ST8SIA4: variants seen among roughly 807,000 people sequenced by gnomAD.
The protein encoded by ST8SIA4 is CMP-N-acetylneuraminate-poly-alpha-2,8-sialyltransferase.
In ST8SIA4, 15 loss-of-function variants were observed where a neutral mutation model predicts 33.9. That is an observed-to-expected ratio of 0.44 (90% CI 0.30 to 0.68). ST8SIA4 has a LOEUF of 0.68. Among genes scored for constraint, ST8SIA4 ranks in the 30% least tolerant of loss-of-function variants. The pLI is 0.10. For synonymous variants in ST8SIA4, 171 were observed against 151.2 expected (o/e 1.13, Z -0.96); for missense variants, 321 against 428.0 (o/e 0.75, Z 2.21).
intron 2 of ST8SIA4, among the ~76,000 whole-genome samples, chr5:100,886,977 T>C (rs1752551828): frequency 1.3e-5 from 2 of 152,102 alleles, no homozygotes; most frequent in Admixed American, 1.3e-4. Context: ...CGTATTTTGA[T>C]AGTCATAAGT....
intron 3 of ST8SIA4, among the ~76,000 whole-genome samples, chr5:100,881,559 T>C (rs1441863318): frequency 6.6e-6 from 1 of 152,172 alleles, no homozygotes; most frequent in Non-Finnish European, 1.5e-5. Context: ...AGAATACTCA[T>C]GAAATCTAAA....
Position 100,869,440 on chromosome 5 carries a change from T to A in ST8SIA4, c.504-13044A>T, listed in dbSNP as rs1752148644. The stretch of plus-strand genomic sequence containing the variant: ...TAACATTTCACATTAATATGAATCA[T>A]ACCATCGACACTAGGTGTTATCATC... On this transcript the variant is annotated intron_variant, in intron 3 of 4. Coordinates refer to ENST00000231461, the MANE Select transcript of ST8SIA4 (RefSeq NM_005668.6). Among the ~76,000 whole-genome samples the A allele has an allele frequency of 2.6e-5, 4 of 152,178 alleles. No individual in the cohort carries two copies. In the South Asian group the frequency reaches 8.3e-4, roughly 31 times the overall value.
chr5:100,890,243 TAATGGC>T (rs1752631041), intron 2 of ST8SIA4, among the ~76,000 whole-genome samples: 3 of 151,896 alleles, frequency 2.0e-5, no homozygotes, highest in African/African-American at 7.2e-5. Flanking sequence ...ATTGTAGATG[TAATGGC>T]GAATTAAAAG....
chr5:100,814,210 A>G (rs1024411650), intron 4 of ST8SIA4, among the ~76,000 whole-genome samples: 12 of 152,036 alleles, frequency 7.9e-5, no homozygotes, highest in African/African-American at 2.9e-4. Flanking sequence ...TTTTTGATAC[A>G]GGACATCTTA....
chr5:100,856,308 C>T lies in ST8SIA4; in HGVS notation c.592G>A (p.Ala198Thr). Residue 198 changes from alanine to threonine, a missense_variant, in exon 4 of 5, where the codon GCA (alanine) becomes ACA (threonine). Coordinates refer to ENST00000231461, the MANE Select transcript of ST8SIA4 (RefSeq NM_005668.6). ...ITMNPSVVQR[A>T]FGGFRNESDR... ...CTCTCATTTCGAAAGCCTCCAAATGCTCTTTGTACAACTGATGGATTCATG... is the reference window on the plus strand; with the variant it reads ...CTCTCATTTCGAAAGCCTCCAAATGTTCTTTGTACAACTGATGGATTCATG... 3.7e-6 allele frequency: 6 copies of T among 1,614,070 alleles called. No individual in the cohort carries two copies. Among genetic ancestry groups the T allele is most frequent in the Non-Finnish European group, 4.2e-6 (5 of 1,179,968 alleles).
At chr5:100,823,369 C>A (rs1485433547) in intron 4 of ST8SIA4, among the ~76,000 whole-genome samples, 1 of 152,154 alleles carries the variant, frequency 6.6e-6, no homozygotes, top group Non-Finnish European at 1.5e-5. Flanking sequence ...AACCAGCAGC[C>A]CTTGGGGCTG....
chr5:100,830,923 G>A (rs1485070467), intron 4 of ST8SIA4, among the ~76,000 whole-genome samples: 1 of 152,028 alleles, frequency 6.6e-6, no homozygotes, highest in Non-Finnish European at 1.5e-5. Flanking sequence ...TAAATATTAT[G>A]TTTTATTATG....
chr5:100,875,373 C>A (rs568727602), intron 3 of ST8SIA4, among the ~76,000 whole-genome samples: 2 of 152,128 alleles, frequency 1.3e-5, no homozygotes, highest in Non-Finnish European at 2.9e-5. Flanking sequence ...TGTGTGATAT[C>A]TAAAGATTAG....
chr5:100,886,048 G>C, intron 3 of ST8SIA4: 1 of 1,110,324 alleles, frequency 9.0e-7, no homozygotes, highest in Non-Finnish European at 1.1e-6. Flanking sequence ...TAAGAAAAAA[G>C]TTTGTGTGGA....
intron 3 of ST8SIA4, among the ~76,000 whole-genome samples, chr5:100,879,564 G>A (rs768498661): frequency 5.3e-5 from 8 of 152,152 alleles, no homozygotes; most frequent in Non-Finnish European, 1.2e-4. Context: ...GATTTCAGAT[G>A]TGCACATGTA....
chr5:100,872,605 T>G (rs1299630845), intron 3 of ST8SIA4, among the ~76,000 whole-genome samples: 3 of 152,094 alleles, frequency 2.0e-5, no homozygotes, highest in African/African-American at 7.2e-5. Context: ...AGAGAGCTGA[T>G]GGTTTCATAA....
chr5:100,887,519 C>A (rs1294978597), intron 2 of ST8SIA4, among the ~76,000 whole-genome samples: 1 of 151,956 alleles, frequency 6.6e-6, no homozygotes, highest in Non-Finnish European at 1.5e-5. Flanking sequence ...CAATACTTAG[C>A]CTAGCCCATA....
intron 4 of ST8SIA4, among the ~76,000 whole-genome samples, chr5:100,832,061 T>C (rs1295553948): frequency 6.6e-6 from 1 of 152,172 alleles, no homozygotes; most frequent in Non-Finnish European, 1.5e-5. Flanking sequence ...TTAAATGCTA[T>C]TTTAATCTTT....
At chr5:100,895,240 T>C (rs1158121880) in intron 2 of ST8SIA4, among the ~76,000 whole-genome samples, 1 of 152,046 alleles carries the variant, frequency 6.6e-6, no homozygotes, top group African/African-American at 2.4e-5. Context: ...AATTTATTTA[T>C]AATCGTCAGC....
Position 100,903,089 on chromosome 5 carries a change from A to T in ST8SIA4, c.-134T>A, listed in dbSNP as rs77888994. 1,869 of 659,382 alleles carry T rather than the reference A, an allele frequency of 2.8e-3. 23 individuals carry two copies. The African/African-American group carries it at 0.031, about 11-fold the overall frequency. 40.8% of individuals were successfully genotyped at this position (659,382 alleles called of 1,614,324 possible). A position where few individuals can be genotyped will look rare whatever the true frequency, so the allele number is the denominator to read the frequency against. On this transcript the variant is annotated 5_prime_UTR_variant, in exon 1 of 5. Coordinates refer to ENST00000231461, the MANE Select transcript of ST8SIA4 (RefSeq NM_005668.6). ...GAGAGCTTGGAGCCGGGATCCCGGG[A>T]TCAGATCACTGGGGTCTTCTGTGGC...
chr5:100,878,898 A>G (rs1752359854), intron 3 of ST8SIA4, among the ~76,000 whole-genome samples: 2 of 152,180 alleles, frequency 1.3e-5, no homozygotes, highest in Admixed American at 1.3e-4. Flanking sequence ...TGTAGATTAT[A>G]TTATGTGGTA....
intron 3 of ST8SIA4, among the ~76,000 whole-genome samples, chr5:100,859,423 A>G (rs1751886215): frequency 6.6e-6 from 1 of 152,086 alleles, no homozygotes. Context: ...GAGTCAAACA[A>G]CATTATCTTT....
chr5:100,819,040 T>C (rs1162222823), intron 4 of ST8SIA4, among the ~76,000 whole-genome samples: 1 of 152,194 alleles, frequency 6.6e-6, no homozygotes, highest in Non-Finnish European at 1.5e-5. Context: ...TACGTAACTC[T>C]CATTATTGTG....
chr5:100,857,111 C>T (rs986851365), intron 3 of ST8SIA4, among the ~76,000 whole-genome samples: 7 of 152,040 alleles, frequency 4.6e-5, no homozygotes, highest in African/African-American at 1.4e-4. Flanking sequence ...TTTCCCTTTT[C>T]GGACGTATGC....
Sources: allele counts gnomAD v4.1 joint callset (sites outside exome capture counted in the v4.1 genomes callset), GRCh38; gene constraint gnomAD v4.1.1; transcripts MANE v1.5; gene names NCBI Gene and HGNC (gene_info 2026-07-23, HGNC 2026-07-21).